Variants in HACL2 observed in about 807,000 individuals in gnomAD.
HACL2 encodes 2-hydroxyacyl-CoA lyase 2, also known as 2-hydroxyacyl-CoA lyase 1 like.
the HACL2 span, chr19:15,119,437 T>C: frequency 1.9e-6 from 3 of 1,614,010 alleles, no homozygotes; most frequent in Admixed American, 1.7e-5. Flanking sequence ...TCGGCAGACG[T>C]TGGGGTGAGC....
chr19:15,122,776 G>C, the HACL2 span: 5 of 1,614,148 alleles, frequency 3.1e-6, no homozygotes, highest in Non-Finnish European at 4.2e-6. The surrounding 1 kb of genome is among the most constrained non-coding windows in gnomAD (Gnocchi z 4.0). Context: ...GGTACAGCAC[G>C]TCAACGGGCA....
the HACL2 span, chr19:15,115,647 T>A: frequency 6.2e-7 from 1 of 1,613,704 alleles, no homozygotes; most frequent in Non-Finnish European, 8.5e-7. Context: ...CCAGCATCAT[T>A]CCCTACCAAG....
At chr19:15,115,040 G>A in the HACL2 span, 58 of 627,300 alleles carry the variant, frequency 9.2e-5, no homozygotes, top group Middle Eastern at 8.1e-4. Flanking sequence ...TAAGAGAGGG[G>A]ACAAACGGCA....
At chr19:15,115,861 C>T in the HACL2 span, 20 of 1,614,116 alleles carry the variant, frequency 1.2e-5, no homozygotes, top group Middle Eastern at 3.3e-4. Flanking sequence ...TTGTGTCTGA[C>T]GAATGTATCA....
At chr19:15,123,844 C>T in the HACL2 span, 25 of 527,292 alleles carry the variant, frequency 4.7e-5, no homozygotes, top group East Asian at 9.6e-5. This position sits in a 1 kb window ranked among gnomAD's most constrained non-coding sequence, Gnocchi z 5.1. Flanking sequence ...ATAGAACCCA[C>T]GCTCTTAAGT....
chr19:15,117,702 T>G, the HACL2 span: 1 of 586,670 alleles, frequency 1.7e-6, no homozygotes, highest in Non-Finnish European at 2.9e-6. Flanking sequence ...TAAAAAAAAT[T>G]TAAAGAAAGA....
the HACL2 span, chr19:15,115,035 G>C: frequency 1.6e-6 from 1 of 621,528 alleles, no homozygotes; most frequent in South Asian, 1.9e-5. Context: ...CTCCATAAGA[G>C]AGGGGACAAA....
the HACL2 span, among the ~76,000 whole-genome samples, chr19:15,121,939 C>G: frequency 6.7e-6 from 1 of 149,336 alleles, no homozygotes; most frequent in Non-Finnish European, 1.5e-5. Context: ...GCTCTGTCAC[C>G]CAGGCTGGAG....
At chr19:15,123,468 G>C in the HACL2 span, 1 of 1,614,188 alleles carries the variant, frequency 6.2e-7, no homozygotes, top group African/African-American at 1.3e-5. The surrounding 1 kb of genome is among the most constrained non-coding windows in gnomAD (Gnocchi z 5.1). Flanking sequence ...CAGGCCACCA[G>C]CAGCGGGGAA....
At chr19:15,120,026 C>T in the HACL2 span, 340 of 1,550,788 alleles carry the variant, frequency 2.2e-4, no homozygotes, top group Admixed American at 8.4e-4. Flanking sequence ...AGCGGTCCCT[C>T]GGGCTGAGGC....
At chr19:15,121,470 G>A in the HACL2 span, among the ~76,000 whole-genome samples, 1 of 152,128 alleles carries the variant, frequency 6.6e-6, no homozygotes, top group Non-Finnish European at 1.5e-5. Context: ...GGGGAAGGGA[G>A]AGAAGGAGGA....
the HACL2 span, among the ~76,000 whole-genome samples, chr19:15,119,816 G>A: frequency 6.6e-6 from 1 of 152,098 alleles, no homozygotes; most frequent in Non-Finnish European, 1.5e-5. Context: ...CTCCCTAAGT[G>A]TTGGGATTGC....
chr19:15,125,125 G>A, the HACL2 span: 1 of 1,434,670 alleles, frequency 7.0e-7, no homozygotes, highest in Non-Finnish European at 9.2e-7. Context: ...CTCTCCGGAA[G>A]AAATCGCGCC....
At chr19:15,125,106 A>C in the HACL2 span, 1 of 1,482,278 alleles carries the variant, frequency 6.7e-7, no homozygotes, top group Admixed American at 2.5e-5. Flanking sequence ...CTTGGGCGCG[A>C]CAGGGAACCT....
chr19:15,124,776 C>T, the HACL2 span: 1 of 1,079,534 alleles, frequency 9.3e-7, no homozygotes, highest in Admixed American at 3.0e-5. Flanking sequence ...GCAATGGAGA[C>T]AGGGCCCTGG....
At chr19:15,117,552 T>C in the HACL2 span, 3 of 209,274 alleles carry the variant, frequency 1.4e-5, no homozygotes, top group Non-Finnish European at 2.9e-5. Flanking sequence ...TGGTGCATAC[T>C]TGTAGTCCCA....
chr19:15,123,185 C>A, the HACL2 span: 1 of 1,614,034 alleles, frequency 6.2e-7, no homozygotes, highest in Non-Finnish European at 8.5e-7. This position sits in a 1 kb window ranked among gnomAD's most constrained non-coding sequence, Gnocchi z 5.1. Context: ...CATTCTTCAC[C>A]GCAGTCACCG....
chr19:15,123,133 C>A, the HACL2 span: 1 of 1,613,842 alleles, frequency 6.2e-7, no homozygotes, highest in Non-Finnish European at 8.5e-7. The surrounding 1 kb of genome is among the most constrained non-coding windows in gnomAD (Gnocchi z 5.1). Context: ...AGAGTGCTGG[C>A]AGCCCCACCC....
the HACL2 span, chr19:15,122,902 C>A: frequency 6.2e-7 from 1 of 1,610,214 alleles, no homozygotes; most frequent in South Asian, 1.1e-5. The surrounding 1 kb of genome is among the most constrained non-coding windows in gnomAD (Gnocchi z 4.0). Context: ...CTGGGGTGCC[C>A]GACTGGGCGG....
Sources: allele counts gnomAD v4.1 joint callset (sites outside exome capture counted in the v4.1 genomes callset), GRCh38; gene constraint gnomAD v4.1.1; non-coding constraint Gnocchi (gnomAD v3.1); transcripts MANE v1.5; gene names NCBI Gene and HGNC (gene_info 2026-07-23, HGNC 2026-07-21).